The following ATP9A variants were observed in gnomAD, a reference collection of about 807,000 sequenced individuals.
ATP9A encodes ATPase phospholipid transporting 9A.
A neutral mutation model predicts 144.1 loss-of-function variants in ATP9A; 52 were observed. The ratio of observed to expected loss-of-function variants is 0.36; its 90% CI spans 0.29 to 0.45. The LOEUF is 0.45. ATP9A is among the 20% of genes least tolerant of loss of function. The pLI, the probability that ATP9A is intolerant of heterozygous loss-of-function variation, is 1.00. For missense variants in ATP9A, 947 were observed against 1,392.7 expected (o/e 0.68, Z 5.09); for synonymous variants, 582 against 557.4 (o/e 1.04, Z -0.62).
chr20:51,611,742 A>G lies in ATP9A; in HGVS notation c.2572-1577T>C, dbSNP rs79183044. Among the ~76,000 whole-genome samples, 1,208 of 152,354 alleles carry G rather than the reference A, an allele frequency of 7.9e-3. 17 individuals are homozygous for G. Among genetic ancestry groups the G allele is most frequent in the African/African-American group, 0.028 (1,149 of 41,566 alleles). ...GGCTGATTAATCTCCCAATCATTAA[A>G]GCCACAGCATTATCCTGTTCAATTG... On this transcript the variant is annotated intron_variant, in intron 23 of 27. Coordinates refer to ENST00000338821, the MANE Select transcript of ATP9A (RefSeq NM_006045.3). This position sits in a 1 kb window ranked among gnomAD's most constrained non-coding sequence, Gnocchi z 4.2.
At chr20:51,608,943 G>GTGTGTGTA (rs1568783145) in intron 24 of ATP9A, among the ~76,000 whole-genome samples, 2 of 151,798 alleles carry the variant, frequency 1.3e-5, no homozygotes, top group Admixed American at 1.3e-4. Flanking sequence ...GTGTGTGTGT[G>GTGTGTGTA]TGTGTGTGTG....
intron 7 of ATP9A, among the ~76,000 whole-genome samples, chr20:51,692,377 G>A (rs532776690): frequency 1.2e-4 from 18 of 152,316 alleles, no homozygotes; most frequent in South Asian, 2.1e-4. Context: ...GTGAAGTGGC[G>A]TAAGACAGGC....
chr20:51,731,856 G>A (rs2077743103), intron 1 of ATP9A, among the ~76,000 whole-genome samples: 1 of 152,148 alleles, frequency 6.6e-6, no homozygotes, highest in East Asian at 1.9e-4. Flanking sequence ...TGCTGTCACA[G>A]CTGCTAGTTC....
chr20:51,707,933 A>G (rs2077621499), intron 4 of ATP9A, among the ~76,000 whole-genome samples: 1 of 151,972 alleles, frequency 6.6e-6, no homozygotes, highest in African/African-American at 2.4e-5. Flanking sequence ...TGATGTGATC[A>G]TGGCTTACTG....
At chr20:51,647,026 G>A (rs1012956780) in intron 14 of ATP9A, among the ~76,000 whole-genome samples, 3 of 152,230 alleles carry the variant, frequency 2.0e-5, no homozygotes, top group Admixed American at 2.0e-4. Context: ...GGCTGAGGCA[G>A]CGGAATTGCT....
At chr20:51,626,938 T>C (rs1274521884) in intron 17 of ATP9A, among the ~76,000 whole-genome samples, 1 of 151,354 alleles carries the variant, frequency 6.6e-6, no homozygotes, top group Non-Finnish European at 1.5e-5. Context: ...GCAACTGTAA[T>C]CCCAGCTACT....
chr20:51,611,855 C>G lies in ATP9A; in HGVS notation c.2572-1690G>C, dbSNP rs1289215129. ...CATTTTGATGAAAGTCACTTTCAGG[C>G]TCCCCTACTCACAATTGCAATAGAT... On this transcript the variant is annotated intron_variant, in intron 23 of 27. Coordinates refer to ENST00000338821, the MANE Select transcript of ATP9A (RefSeq NM_006045.3). This position sits in a 1 kb window ranked among gnomAD's most constrained non-coding sequence, Gnocchi z 4.2. Among the ~76,000 whole-genome samples the G allele has an allele frequency of 6.6e-6, 1 of 152,212 alleles. No homozygotes were observed. Among genetic ancestry groups the G allele is most frequent in the African/African-American group, 2.4e-5 (1 of 41,458 alleles).
intron 14 of ATP9A, among the ~76,000 whole-genome samples, chr20:51,645,474 C>A (rs1360417104): frequency 1.3e-5 from 2 of 152,038 alleles, no homozygotes; most frequent in Admixed American, 6.5e-5. Context: ...GAGCCAAGAT[C>A]GCGCCTGGGC....
chr20:51,673,155 C>G (rs2077463202), intron 11 of ATP9A, among the ~76,000 whole-genome samples: 1 of 152,140 alleles, frequency 6.6e-6, no homozygotes, highest in African/African-American at 2.4e-5. Context: ...GGGTGGATCA[C>G]TTGAGGTCAG....
chr20:51,715,799 A>AC (rs2077659449), intron 3 of ATP9A, among the ~76,000 whole-genome samples: 1 of 152,168 alleles, frequency 6.6e-6, no homozygotes, highest in Non-Finnish European at 1.5e-5. Flanking sequence ...GGTCCTTAAT[A>AC]TCCATTCACA....
chr20:51,678,878 G>A (rs1170130232), intron 9 of ATP9A, among the ~76,000 whole-genome samples: 1 of 152,180 alleles, frequency 6.6e-6, no homozygotes, highest in East Asian at 1.9e-4. Flanking sequence ...CACAGGCTCT[G>A]CCTCCACAAG....
intron 24 of ATP9A, among the ~76,000 whole-genome samples, chr20:51,609,411 C>T (rs920544531): frequency 2.0e-5 from 3 of 152,172 alleles, no homozygotes; most frequent in African/African-American, 7.2e-5. Flanking sequence ...GACCTTCCCG[C>T]ACCCGCCGTC....
At chr20:51,656,205 T>A (rs1385090801) in intron 14 of ATP9A, among the ~76,000 whole-genome samples, 3 of 134,472 alleles carry the variant, frequency 2.2e-5, no homozygotes, top group Non-Finnish European at 3.2e-5. Context: ...CTAATTTGAT[T>A]GTGATGATGG....
intron 17 of ATP9A, among the ~76,000 whole-genome samples, chr20:51,626,714 C>T (rs2077250377): frequency 6.6e-6 from 1 of 151,360 alleles, no homozygotes; most frequent in Non-Finnish European, 1.5e-5. Flanking sequence ...GCCAAATTTT[C>T]CCGAAGGCAT....
At chr20:51,653,972 C>G (rs893017291) in intron 14 of ATP9A, among the ~76,000 whole-genome samples, 1 of 151,966 alleles carries the variant, frequency 6.6e-6, no homozygotes, top group East Asian at 1.9e-4. Context: ...GTATCATTCC[C>G]AAAGGGAAAA....
At chr20:51,723,374 A>G (rs1675366539) in intron 3 of ATP9A, among the ~76,000 whole-genome samples, 1 of 151,976 alleles carries the variant, frequency 6.6e-6, no homozygotes, top group Admixed American at 6.6e-5. Context: ...GTAACAACAT[A>G]CCACCTGTAC....
Position 51,758,866 on chromosome 20 carries a change from A to C in ATP9A, c.68+9436T>G, listed in dbSNP as rs530953983. ...CTTGAACTCGGGAGGCGGAGGTTCC[A>C]GTGAGCCGAGATCATACCACTGCAC... On this transcript the variant is annotated intron_variant, in intron 1 of 27. Coordinates refer to ENST00000338821, the MANE Select transcript of ATP9A (RefSeq NM_006045.3). Among the ~76,000 whole-genome samples, 506 of 152,132 alleles carry C rather than the reference A, an allele frequency of 3.3e-3. 2 individuals are homozygous for C. Among genetic ancestry groups the C allele is most frequent in the African/African-American group, 0.012 (487 of 41,474 alleles).
At chr20:51,670,841 T>C (rs2077452709) in intron 12 of ATP9A, among the ~76,000 whole-genome samples, 1 of 152,136 alleles carries the variant, frequency 6.6e-6, no homozygotes, top group African/African-American at 2.4e-5. Flanking sequence ...CATTTCCTCA[T>C]CTGTGGAAGC....
intron 1 of ATP9A, among the ~76,000 whole-genome samples, chr20:51,733,245 C>T (rs2077749573): frequency 2.0e-5 from 3 of 152,082 alleles, no homozygotes; most frequent in Admixed American, 6.5e-5. Flanking sequence ...AGTCCCTTCC[C>T]GCTACTATAA....
Sources: gnomAD v4.1 joint callset for allele counts (sites outside exome capture counted in the v4.1 genomes callset) on GRCh38, gnomAD v4.1.1 for gene constraint, Gnocchi (gnomAD v3.1) non-coding constraint, MANE v1.5 for transcripts, NCBI Gene and HGNC (gene_info 2026-07-23, HGNC 2026-07-21) for gene names.